GRM4: variants seen among roughly 807,000 people sequenced by gnomAD.
The protein encoded by GRM4 is metabotropic glutamate receptor 4.
Under a neutral mutation model 81.7 loss-of-function variants are expected in GRM4, and 28 were observed. The ratio of observed to expected loss-of-function variants is 0.34; its 90% confidence interval spans 0.25 to 0.47. The LOEUF (loss-of-function observed/expected upper bound fraction) is 0.47. Among genes scored for constraint, GRM4 ranks in the 20% least tolerant of loss-of-function variants. GRM4 has a pLI of 1.00. For missense variants in GRM4, 948 were observed against 1,290.0 expected, an observed-to-expected ratio of 0.73 and a Z score of 4.06; for synonymous variants, 488 against 528.8, an observed-to-expected ratio of 0.92 and a Z score of 1.06.
At chr6:34,066,393 A>G (rs1219964244) in intron 3 of GRM4, among the ~76,000 whole-genome samples, 11 of 152,302 alleles carry the variant, frequency 7.2e-5, no homozygotes, top group Admixed American at 2.6e-4. Flanking sequence ...AACATGACAA[A>G]TCCTGAAATC....
chr6:34,135,807 C>T (rs146405028), intron 1 of GRM4, among the ~76,000 whole-genome samples: 1 of 152,242 alleles, frequency 6.6e-6, no homozygotes, highest in Non-Finnish European at 1.5e-5. Context: ...GAGCCATAGA[C>T]GAATCTCATG....
In GRM4 at chr6:34,152,466, A is replaced by G. The variant is rs1022355106; in HGVS notation, c.312+2613T>C. Among the ~76,000 whole-genome samples, 1 of 152,190 alleles carries G rather than the reference A, an allele frequency of 6.6e-6. No individual in the cohort carries two copies. The highest frequency in any genetic ancestry group is 2.4e-5 in the African/African-American group (1 of 41,452). ...CCTCATTCCTGGGGAAACATGAGCTACAGGGGTGGGGAGGATTCTGCTCCC... is the reference window on the plus strand; with the variant it reads ...CCTCATTCCTGGGGAAACATGAGCTGCAGGGGTGGGGAGGATTCTGCTCCC... On this transcript the variant is annotated intron_variant, in intron 1 of 8. Transcript: ENST00000374177. This position sits in a 1 kb window ranked among gnomAD's most constrained non-coding sequence, Gnocchi z 4.1.
chr6:34,094,907 T>C (rs1291048033), intron 2 of GRM4, among the ~76,000 whole-genome samples: 2 of 152,158 alleles, frequency 1.3e-5, no homozygotes, highest in Non-Finnish European at 2.9e-5. Flanking sequence ...CAAGCTCCTT[T>C]CCAGGCCCAG....
chr6:34,091,752 G>A (rs1191845207), intron 3 of GRM4, 131 bp downstream of exon 3: 17 of 675,860 alleles, frequency 2.5e-5, no homozygotes, highest in Non-Finnish European at 3.9e-5. Context: ...AGAAGAGGCC[G>A]AGGCCCACCT....
chr6:34,106,414 CA>C (rs11350612), intron 2 of GRM4, among the ~76,000 whole-genome samples: 75,843 of 132,654 alleles, frequency 0.57, 20,369 homozygotes, highest in Admixed American at 0.64. Flanking sequence ...GGCTCAGTCT[CA>C]AAAAAAAAAA....
At position 34,073,148 on chromosome 6, in the gene GRM4, TCACCACAGACACACACCCACACAC is replaced by T. The variant is rs1372566185; in HGVS notation, c.737-11144_737-11121del. On this transcript the variant is annotated intron_variant, in intron 3 of 10. Coordinates refer to ENST00000538487, the MANE Select transcript of GRM4 (RefSeq NM_000841.4). ...TACACACCACACACACACACACACA[TCACCACAGACACACACCCACACAC>T]CACCACACAAATACACATTACACAA... is the stretch of plus-strand genomic sequence containing the variant. 1.2e-3 allele frequency among the ~76,000 whole-genome samples: 8 copies of T among 6,628 alleles called. No homozygotes were observed. The East Asian group carries it at 0.027, about 22-fold the overall frequency. The allele number at this position is 6,628 out of a possible 152,430, so 4.3% of individuals were successfully genotyped here.
Position 34,059,131 on chromosome 6 carries a change from G to A in GRM4, c.873-3C>T, listed in dbSNP as rs1207555357. ...TTCGTGCTGCCTCCAGCACACGCCT[G>A]TAGGAACATACACCAGCCCAGCCCA... On this transcript the variant is annotated splice_polypyrimidine_tract_variant and splice_region_variant and intron_variant, in intron 4 of 10. Coordinates refer to ENST00000538487, the MANE Select transcript of GRM4 (RefSeq NM_000841.4). The surrounding 1 kb of genome is among the most constrained non-coding windows in gnomAD (Gnocchi z 5.7). 3.1e-6 allele frequency: 5 copies of A among 1,613,382 alleles called. No individual in the cohort carries two copies. The highest frequency in any genetic ancestry group is 3.4e-6 in the Non-Finnish European group (4 of 1,179,862).
chr6:34,038,199 G>A (rs2499674), intron 8 of GRM4, among the ~76,000 whole-genome samples: 56,379 of 152,154 alleles, frequency 0.37, 13,945 homozygotes, highest in African/African-American at 0.71. Context: ...TGGGATCACA[G>A]TTCTGTTGCT....
In GRM4 at chr6:34,046,658, A is replaced by C. The variant is rs1765378138; in HGVS notation, c.1169-5910T>G. On this transcript the variant is annotated intron_variant, in intron 6 of 10. Coordinates refer to ENST00000538487, the MANE Select transcript of GRM4 (RefSeq NM_000841.4). ...GGCTGCTCTCAGGGGCATGAGCCCCATTGGTGCACACAGGGATGGTGAGTG... is the reference window on the plus strand; with the variant it reads ...GGCTGCTCTCAGGGGCATGAGCCCCCTTGGTGCACACAGGGATGGTGAGTG... 3.3e-5 allele frequency among the ~76,000 whole-genome samples: 5 copies of C among 152,332 alleles called. No individual in the cohort carries two copies. The South Asian group carries it at 1.0e-3, about 32-fold the overall frequency.
At chr6:34,103,686 A>C in intron 2 of GRM4, 3 of 1,534,854 alleles carry the variant, frequency 2.0e-6, no homozygotes, top group South Asian at 1.2e-5. Context: ...AAGGAGCCCC[A>C]AGGGGCACAG....
intron 4 of GRM4, chr6:34,061,675 C>T: frequency 4.3e-6 from 2 of 467,752 alleles, no homozygotes; most frequent in East Asian, 6.7e-5. Flanking sequence ...GGAATGGATG[C>T]AGGAAATGGA....
chr6:34,024,694 G>A (rs1764046451), intron 10 of GRM4: 1 of 455,824 alleles, frequency 2.2e-6, no homozygotes, highest in Non-Finnish European at 4.4e-6. Context: ...GTTGGGTGGA[G>A]TCAGTGGCCT....
At position 34,021,226 on chromosome 6, in the gene GRM4, C is replaced by G. The variant is rs1364222983; in HGVS notation, c.*1595G>C. On this transcript the variant is annotated 3_prime_UTR_variant, in exon 11 of 11. Transcript: ENST00000538487. The surrounding 1 kb of genome is among the most constrained non-coding windows in gnomAD (Gnocchi z 5.3). The stretch of plus-strand genomic sequence containing the variant: ...CACGCAAACAAGACAGGCACGCATG[C>G]GCATGGAGGCGCTGGACGTGCACAC... The G allele has an allele frequency of 6.6e-6, 1 of 152,418 alleles. No homozygotes were observed. The highest frequency in any genetic ancestry group is 6.5e-5 in the Admixed American group (1 of 15,286). 9.4% of individuals were successfully genotyped at this position (152,418 alleles called of 1,614,324 possible).
chr6:34,076,468 C>T (rs75218352), intron 3 of GRM4, among the ~76,000 whole-genome samples: 2 of 152,166 alleles, frequency 1.3e-5, no homozygotes, highest in Non-Finnish European at 2.9e-5. Context: ...TGGGTCAAGC[C>T]CCAGCACTGG....
chr6:34,125,186 G>A (rs1453185797), intron 2 of GRM4, among the ~76,000 whole-genome samples: 1 of 152,160 alleles, frequency 6.6e-6, no homozygotes, highest in Non-Finnish European at 1.5e-5. Context: ...TGTTCACCAG[G>A]ATGGTCTCGA....
intron 2 of GRM4, among the ~76,000 whole-genome samples, chr6:34,098,879 G>T (rs999581544): frequency 6.6e-6 from 1 of 152,140 alleles, no homozygotes; most frequent in Non-Finnish European, 1.5e-5. Flanking sequence ...GGGGGTGGGG[G>T]CTGGGAGGGG....
At chr6:34,076,569 T>C (rs1490369335) in intron 3 of GRM4, among the ~76,000 whole-genome samples, 1 of 152,114 alleles carries the variant, frequency 6.6e-6, no homozygotes, top group Admixed American at 6.5e-5. Flanking sequence ...ACCAAGAAGA[T>C]GGATGTGAGA....
intron 3 of GRM4, among the ~76,000 whole-genome samples, chr6:34,066,679 C>G (rs1766483730): frequency 6.6e-6 from 1 of 151,886 alleles, no homozygotes; most frequent in Admixed American, 6.6e-5. Flanking sequence ...ATGGTTACCT[C>G]AAGGGAGAAG....
chr6:34,085,824 C>A (rs576985235), intron 3 of GRM4, among the ~76,000 whole-genome samples: 18 of 152,182 alleles, frequency 1.2e-4, no homozygotes, highest in African/African-American at 4.1e-4. Flanking sequence ...GAGAGTAGGA[C>A]GGAGGCAGGG....
Sources: gnomAD v4.1 joint callset for allele counts (sites outside exome capture counted in the v4.1 genomes callset) on GRCh38, gnomAD v4.1.1 for gene constraint, Gnocchi (gnomAD v3.1) non-coding constraint, MANE v1.5 for transcripts, NCBI Gene and HGNC (gene_info 2026-07-23, HGNC 2026-07-21) for gene names.